Variants in TENM3 observed in about 807,000 individuals in gnomAD.
The protein encoded by TENM3 is teneurin transmembrane protein 3, also known as teneurin-3.
Under a neutral mutation model 255.1 loss-of-function variants are expected in TENM3, and 63 were observed. That is an observed-to-expected ratio of 0.25 (90% CI 0.20 to 0.30). The LOEUF is 0.30. TENM3 is among the 10% of genes least tolerant of loss of function. TENM3 has a pLI of 1.00. For synonymous variants in TENM3, 1,306 were observed against 1,322.3 expected, an observed-to-expected ratio of 0.99 and a Z score of 0.27; for missense variants, 2,929 against 3,461.1, an observed-to-expected ratio of 0.85 and a Z score of 3.86.
intron 3 of TENM3, among the ~76,000 whole-genome samples, chr4:182,486,649 C>T (rs2151551361): frequency 6.6e-6 from 1 of 152,222 alleles, no homozygotes; most frequent in Middle Eastern, 3.4e-3. Context: ...CAGAAAAATG[C>T]AGAGCTAGAA....
intron 20 of TENM3, among the ~76,000 whole-genome samples, chr4:182,752,942 A>ATTTTTT (rs750171665): frequency 7.4e-5 from 9 of 121,712 alleles, no homozygotes; most frequent in Admixed American, 9.4e-5. Context: ...TCCTTACTGA[A>ATTTTTT]TTTTTTTTTT....
At chr4:182,558,900 A>G (rs1742840624) in intron 3 of TENM3, among the ~76,000 whole-genome samples, 1 of 152,126 alleles carries the variant, frequency 6.6e-6, no homozygotes, top group African/African-American at 2.4e-5. Context: ...TATCCTATCC[A>G]AAATTATGAT....
At chr4:182,191,452 T>TC (rs1579656711) in intron 1 of TENM3, among the ~76,000 whole-genome samples, 1 of 152,126 alleles carries the variant, frequency 6.6e-6, no homozygotes, top group East Asian at 1.9e-4. Context: ...AGATGCCGCC[T>TC]CCCTTAGAGT....
chr4:181,526,293 C>T, the TENM3 span, among the ~76,000 whole-genome samples: 3 of 150,850 alleles, frequency 2.0e-5, no homozygotes, highest in Non-Finnish European at 2.9e-5. Context: ...AGCAAAGTAG[C>T]GAGTGAGGAA....
At chr4:182,450,455 A>G (rs1180882306) in intron 3 of TENM3, among the ~76,000 whole-genome samples, 2 of 152,156 alleles carry the variant, frequency 1.3e-5, no homozygotes, top group East Asian at 1.9e-4. Context: ...GCAGCGTTCA[A>G]AACACTCTAG....
chr4:182,142,453 C>G (rs1433629972), upstream of TENM3: 2 of 167,150 alleles, frequency 1.2e-5, no homozygotes, highest in East Asian at 1.9e-4. Context: ...TTTGGATAAA[C>G]TAACATAAAG....
the TENM3 span, among the ~76,000 whole-genome samples, chr4:182,004,729 A>T: frequency 6.6e-6 from 1 of 152,178 alleles, no homozygotes; most frequent in Non-Finnish European, 1.5e-5. Context: ...CAGCCTCACC[A>T]GCATCTATTA....
chr4:181,666,667 C>T, the TENM3 span, among the ~76,000 whole-genome samples: 1 of 152,124 alleles, frequency 6.6e-6, no homozygotes, highest in Non-Finnish European at 1.5e-5. Flanking sequence ...TCAACAGTAG[C>T]TGCAGCAATT....
At chr4:182,594,187 TA>T (rs1746952013) in intron 3 of TENM3, among the ~76,000 whole-genome samples, 1 of 152,176 alleles carries the variant, frequency 6.6e-6, no homozygotes, top group African/African-American at 2.4e-5. Flanking sequence ...TTTTGATTTT[TA>T]TTTTTTTTAG....
intron 1 of TENM3, among the ~76,000 whole-genome samples, chr4:182,308,230 A>G (rs1762245461): frequency 2.0e-5 from 3 of 151,186 alleles, no homozygotes; most frequent in Admixed American, 2.0e-4. Context: ...GAGCCCCCCA[A>G]CCCCCTCAGC....
chr4:182,185,211 A>G (rs774307899), intron 1 of TENM3, among the ~76,000 whole-genome samples: 6 of 152,208 alleles, frequency 3.9e-5, no homozygotes, highest in East Asian at 1.9e-4. Flanking sequence ...TTTTATCGAC[A>G]TAGTCATCCA....
chr4:182,511,490 T>C (rs1448009849), intron 3 of TENM3, among the ~76,000 whole-genome samples: 1 of 152,204 alleles, frequency 6.6e-6, no homozygotes, highest in Admixed American at 6.5e-5. Flanking sequence ...GCTGGATTTG[T>C]CTGCTTCAAC....
intron 3 of TENM3, among the ~76,000 whole-genome samples, chr4:182,560,653 C>T (rs371022651): frequency 1.3e-5 from 2 of 152,124 alleles, no homozygotes; most frequent in Admixed American, 6.5e-5. Context: ...GGAATAAAAC[C>T]GACAAGTATC....
the TENM3 span, among the ~76,000 whole-genome samples, chr4:181,592,250 A>AACAGAAACACACACACACAC: frequency 0.31 from 39,544 of 126,222 alleles, 6,061 homozygotes; most frequent in East Asian, 0.39. Flanking sequence ...AAGCTGTTTA[A>AACAGAAACACACACACACAC]ACACAAACAC....
At chr4:182,139,080 C>A (rs1298013389), upstream of TENM3, among the ~76,000 whole-genome samples, 1 of 152,134 alleles carries the variant, frequency 6.6e-6, no homozygotes, top group East Asian at 1.9e-4. Context: ...CTCCTATATG[C>A]CAGCCCATGG....
chr4:182,547,443 A>G (rs1741557231), intron 3 of TENM3, among the ~76,000 whole-genome samples: 1 of 152,148 alleles, frequency 6.6e-6, no homozygotes, highest in African/African-American at 2.4e-5. Context: ...TTTCACTTGT[A>G]TAGTGTCCTA....
intron 3 of TENM3, among the ~76,000 whole-genome samples, chr4:182,438,209 G>A (rs189528200): frequency 5.8e-4 from 89 of 152,292 alleles, no homozygotes; most frequent in Middle Eastern, 6.8e-3. Context: ...AGGGTGAGCT[G>A]TGATGTTTCT....
At chr4:182,595,449 C>T (rs1200165558) in intron 3 of TENM3, among the ~76,000 whole-genome samples, 3 of 152,104 alleles carry the variant, frequency 2.0e-5, no homozygotes, top group African/African-American at 7.2e-5. Flanking sequence ...GAACAGAATG[C>T]CTTAAGTGAC....
chr4:181,688,666 G>A, the TENM3 span, among the ~76,000 whole-genome samples: 4 of 152,142 alleles, frequency 2.6e-5, no homozygotes, highest in Non-Finnish European at 5.9e-5. Context: ...GTGGTAAAAT[G>A]GACAATGGGA....
Sources: gnomAD v4.1 joint callset for allele counts (sites outside exome capture counted in the v4.1 genomes callset) on GRCh38, gnomAD v4.1.1 for gene constraint, MANE v1.5 for transcripts, NCBI Gene and HGNC (gene_info 2026-07-23, HGNC 2026-07-21) for gene names.